The following NPFFR2 variants were observed in gnomAD, a reference collection of about 807,000 sequenced individuals.
NPFFR2 encodes the protein G-protein coupled receptor 74.
In NPFFR2, 15 loss-of-function variants were observed where a neutral mutation model predicts 13.1. The ratio of observed to expected loss-of-function variants is 1.15; its 90% CI spans 0.77 to 1.76. The LOEUF is 1.76. Among genes scored for constraint, NPFFR2 ranks in the 40% most tolerant of loss-of-function variants. The probability of loss-of-function intolerance (pLI) is 0.00; values close to 1 mark genes in which losing one functional copy is unlikely to be tolerated. For synonymous variants in NPFFR2, 190 were observed against 175.7 expected, an observed-to-expected ratio of 1.08 and a Z score of -0.65; for missense variants, 572 against 503.5, an observed-to-expected ratio of 1.14 and a Z score of -1.30.
Position 72,049,906 on chromosome 4 carries a change from G to A in NPFFR2, c.-8+17706G>A, listed in dbSNP as rs572744735. Reference sequence around the variant, plus strand: ...AATAACCTTTTGCTAGTCATAACAAGCCCCATTCAACTACACTTGAATTTA... The same window carrying A: ...AATAACCTTTTGCTAGTCATAACAAACCCCATTCAACTACACTTGAATTTA... On this transcript the variant is annotated intron_variant, in intron 1 of 3. Transcript: ENST00000308744. 2.0e-5 allele frequency among the ~76,000 whole-genome samples: 3 copies of A among 152,008 alleles called. No homozygotes were observed. In the South Asian group the frequency reaches 6.2e-4, roughly 32 times the overall value.
intron 1 of NPFFR2, among the ~76,000 whole-genome samples, chr4:72,066,446 A>C (rs759785111): frequency 6.6e-6 from 1 of 152,158 alleles, no homozygotes; most frequent in African/African-American, 2.4e-5. Flanking sequence ...TAAAGTATTA[A>C]CTATTTCTAG....
intron 3 of NPFFR2, among the ~76,000 whole-genome samples, chr4:72,138,793 G>T (rs1465905988): frequency 6.6e-6 from 1 of 152,022 alleles, no homozygotes; most frequent in Non-Finnish European, 1.5e-5. Flanking sequence ...GGGATTGCTG[G>T]GTCAAATGGT....
intron 3 of NPFFR2, among the ~76,000 whole-genome samples, chr4:72,143,324 A>G (rs1227235788): frequency 6.6e-6 from 1 of 152,200 alleles, no homozygotes. Context: ...ATTCAGTCCA[A>G]GTCCCAAAGC....
At chr4:72,118,115 T>G (rs1490205787) in intron 1 of NPFFR2, among the ~76,000 whole-genome samples, 1 of 152,206 alleles carries the variant, frequency 6.6e-6, no homozygotes, top group Non-Finnish European at 1.5e-5. Flanking sequence ...TGTACCCTCT[T>G]ATGTGCTTTA....
At chr4:72,080,094 T>C (rs1268516146) in intron 1 of NPFFR2, among the ~76,000 whole-genome samples, 2 of 152,122 alleles carry the variant, frequency 1.3e-5, no homozygotes, top group East Asian at 1.9e-4. Flanking sequence ...GAGATGTCTC[T>C]AAAGTTCTGG....
chr4:72,072,906 A>C (rs376563196), intron 1 of NPFFR2, among the ~76,000 whole-genome samples: 6 of 152,094 alleles, frequency 3.9e-5, no homozygotes, highest in African/African-American at 1.4e-4. Context: ...TCCCCTATGG[A>C]TAAGAGGAAC....
intron 1 of NPFFR2, among the ~76,000 whole-genome samples, chr4:72,090,466 G>GT (rs746798930): frequency 6.6e-6 from 1 of 151,908 alleles, no homozygotes; most frequent in Non-Finnish European, 1.5e-5. Flanking sequence ...CGTGAGATGT[G>GT]TTTTTATTAG....
intron 1 of NPFFR2, among the ~76,000 whole-genome samples, chr4:72,119,877 G>A (rs1412253066): frequency 6.6e-6 from 1 of 152,220 alleles, no homozygotes; most frequent in Non-Finnish European, 1.5e-5. Context: ...CCAGCTAGCT[G>A]CAGTTTTTCT....
intron 1 of NPFFR2, among the ~76,000 whole-genome samples, chr4:72,072,615 AG>A (rs1403772983): frequency 6.6e-6 from 1 of 152,108 alleles, no homozygotes; most frequent in Non-Finnish European, 1.5e-5. Context: ...TGAAAATCTC[AG>A]GGGGGAAGAG....
At chr4:72,033,783 C>T (rs1028409754) in intron 1 of NPFFR2, among the ~76,000 whole-genome samples, 1 of 152,022 alleles carries the variant, frequency 6.6e-6, no homozygotes, top group Non-Finnish European at 1.5e-5. Flanking sequence ...TACTGCTCAC[C>T]AATACTCTCT....
At chr4:72,142,250 C>T (rs185392837) in intron 3 of NPFFR2, among the ~76,000 whole-genome samples, 97 of 152,248 alleles carry the variant, frequency 6.4e-4, no homozygotes, top group African/African-American at 2.3e-3. Flanking sequence ...GCATTTATCG[C>T]ATTTACATTT....
rs536472654 is a variant in NPFFR2 at position 72,134,566 on chromosome 4, C to T, written c.329-3474C>T. 7.2e-5 allele frequency among the ~76,000 whole-genome samples: 11 copies of T among 152,160 alleles called. No individual in the cohort carries two copies. In the South Asian group the frequency reaches 1.7e-3, roughly 23 times the overall value. On this transcript the variant is annotated intron_variant, in intron 2 of 3. Transcript: ENST00000308744. Reference sequence around the variant, plus strand: ...ATTCTTATTTTACATATATCTTATCCGTGCTGAGCCTTGGAAAGTGCTGTA... The same window carrying T: ...ATTCTTATTTTACATATATCTTATCTGTGCTGAGCCTTGGAAAGTGCTGTA...
intron 3 of NPFFR2, among the ~76,000 whole-genome samples, chr4:72,143,958 A>G (rs920342057): frequency 6.6e-6 from 1 of 152,136 alleles, no homozygotes; most frequent in Non-Finnish European, 1.5e-5. Context: ...CCATTAATGA[A>G]TGACTTCTCT....
intron 1 of NPFFR2, among the ~76,000 whole-genome samples, chr4:72,077,595 T>G (rs965963296): frequency 7.2e-5 from 11 of 152,154 alleles, no homozygotes; most frequent in African/African-American, 2.4e-4. Context: ...CCTAAAAGGT[T>G]GTTCATTTTG....
At chr4:72,077,668 C>T (rs181541884) in intron 1 of NPFFR2, among the ~76,000 whole-genome samples, 3 of 152,248 alleles carry the variant, frequency 2.0e-5, no homozygotes, top group African/African-American at 7.2e-5. Context: ...TGAAAGTCCT[C>T]ACTCCTTAAA....
chr4:72,076,111 A>G (rs979908106), intron 1 of NPFFR2, among the ~76,000 whole-genome samples: 3 of 152,004 alleles, frequency 2.0e-5, no homozygotes, highest in African/African-American at 7.2e-5. Context: ...CGGCATAGAT[A>G]GTGGAGATAA....
chr4:72,093,258 A>C (rs1010318684), intron 1 of NPFFR2, among the ~76,000 whole-genome samples: 4 of 152,138 alleles, frequency 2.6e-5, no homozygotes, highest in Admixed American at 1.3e-4. Context: ...CACAGCTCTT[A>C]AGATTCTTTA....
chr4:72,136,715 G>C (rs537958655), intron 2 of NPFFR2, among the ~76,000 whole-genome samples: 4 of 152,300 alleles, frequency 2.6e-5, no homozygotes, highest in South Asian at 4.1e-4. Context: ...CTGCATCACA[G>C]TGGCACTCAT....
At chr4:72,045,668 G>A (rs995247535) in intron 1 of NPFFR2, among the ~76,000 whole-genome samples, 5 of 151,984 alleles carry the variant, frequency 3.3e-5, no homozygotes, top group African/African-American at 1.2e-4. Flanking sequence ...CCTACAGTTG[G>A]GCAAAAATCA....
Sources: gnomAD v4.1 joint callset for allele counts (sites outside exome capture counted in the v4.1 genomes callset) on GRCh38, gnomAD v4.1.1 for gene constraint, MANE v1.5 for transcripts, NCBI Gene and HGNC (gene_info 2026-07-23, HGNC 2026-07-21) for gene names.